SCAF8: variants seen among roughly 807,000 people sequenced by gnomAD.
SCAF8 encodes SR-related and CTD-associated factor 8.
In SCAF8, 23 loss-of-function variants were observed where a neutral mutation model predicts 140.5. The observed-to-expected ratio is 0.16, with a 90% confidence interval of 0.12 to 0.23. The LOEUF is 0.23. Among genes scored for constraint, SCAF8 ranks in the 10% least tolerant of loss-of-function variants. SCAF8 has a pLI of 1.00. For synonymous variants in SCAF8, 575 were observed against 528.9 expected (o/e 1.09, Z -1.20); for missense variants, 1,397 against 1,555.7 (o/e 0.90, Z 1.72).
chr6:154,822,282 A>T lies in SCAF8; in HGVS notation c.1799A>T (p.Glu600Val). 1 of 1,606,276 alleles carries T rather than the reference A, an allele frequency of 6.2e-7. No individual in the cohort carries two copies. The change falls in exon 16 of 20, where the codon GAA becomes GTA. Residue 600 changes from glutamate (E) to valine (V), a missense_variant. Physicochemically the swap from Glu to Val is moderately radical, Grantham distance 121. Around this residue, in one of 5 missense-constraint regions of SCAF8, gnomAD observed 930 missense variants for 874.6 expected, o/e 1.06. Transcript: ENST00000367178. Reference sequence around the variant, plus strand: ...TTTCAACTATTTTGTTTAGAGTGGGAAACTGTGAAAAGCTCAGAACCTGTT... The same window carrying T: ...TTTCAACTATTTTGTTTAGAGTGGGTAACTGTGAAAAGCTCAGAACCTGTT... ...IDQETVNTEWETVKSSEPVKE... is the reference protein window; with the variant it reads ...IDQETVNTEWVTVKSSEPVKE...
chr6:154,745,930 G>T (rs1778688462), intron 1 of SCAF8, among the ~76,000 whole-genome samples: 1 of 152,106 alleles, frequency 6.6e-6, no homozygotes, highest in Non-Finnish European at 1.5e-5. Context: ...CTGTCACCCA[G>T]GCTAGAGTGC....
intron 3 of SCAF8, among the ~76,000 whole-genome samples, chr6:154,785,588 C>T (rs73581081): frequency 1.3e-3 from 200 of 152,292 alleles, no homozygotes; most frequent in African/African-American, 4.6e-3. Flanking sequence ...GGTACAGCCA[C>T]ATGATTCTGT....
In SCAF8 at chr6:154,808,073, A is replaced by G; in HGVS notation, c.985A>G (p.Thr329Ala). Residue 329 changes from threonine to alanine, a missense_variant, in exon 10 of 20, where the codon ACT becomes GCT. This residue lies in a region of SCAF8 where 339 missense variants were observed against 407.5 expected (regional missense o/e 0.83). Coordinates refer to ENST00000367178, the MANE Select transcript of SCAF8 (RefSeq NM_014892.5). ...LLEQQQPQKA[T>A]PQDSQEGTFG... ...TGTTTGTATATGTTCTCAATAGGCC[A>G]CTCCTCAGGATAGTCAGGAAGGAAC... The G allele has an allele frequency of 6.2e-7, 1 of 1,611,728 alleles. No homozygotes were observed. The highest frequency in any genetic ancestry group is 8.5e-7 in the Non-Finnish European group (1 of 1,179,198).
At chr6:154,825,373 AGTT>A (rs1778536790) in intron 17 of SCAF8, 1 of 152,074 alleles carries the variant, frequency 6.6e-6, no homozygotes, top group African/African-American at 2.4e-5. Context: ...TTACATATAT[AGTT>A]TAAGATAGAG....
At chr6:154,796,353 TTCTCTCTCTCTCTCTC>T (rs532893908) in intron 6 of SCAF8, among the ~76,000 whole-genome samples, 8 of 75,194 alleles carry the variant, frequency 1.1e-4, no homozygotes, top group Non-Finnish European at 1.4e-4. Flanking sequence ...TGCAATCCTG[TTCTCTCTCTCTCTCTC>T]TCTCTCTCTC....
At chr6:154,745,860 T>C (rs192882715) in intron 1 of SCAF8, among the ~76,000 whole-genome samples, 1 of 152,118 alleles carries the variant, frequency 6.6e-6, no homozygotes, top group Admixed American at 6.6e-5. Context: ...TGCATATTAG[T>C]ATGAACTCGT....
intron 1 of SCAF8, among the ~76,000 whole-genome samples, chr6:154,759,911 CT>C (rs1195127153): frequency 6.6e-6 from 1 of 152,120 alleles, no homozygotes; most frequent in African/African-American, 2.4e-5. Flanking sequence ...TCTTGTGATC[CT>C]CCCACCTCGG....
intron 3 of SCAF8, among the ~76,000 whole-genome samples, chr6:154,781,326 A>G (rs1214063913): frequency 2.0e-5 from 3 of 152,198 alleles, no homozygotes; most frequent in Admixed American, 2.0e-4. Context: ...ACCACTGCTC[A>G]AGGAAATCAG....
intron 6 of SCAF8, among the ~76,000 whole-genome samples, chr6:154,797,622 C>G (rs1353145583): frequency 1.3e-5 from 2 of 151,274 alleles, no homozygotes; most frequent in African/African-American, 4.8e-5. Context: ...TCTTGATCTC[C>G]TGACCTTGTG....
At chr6:154,757,187 G>GT (rs1778988253) in intron 1 of SCAF8, among the ~76,000 whole-genome samples, 1 of 152,120 alleles carries the variant, frequency 6.6e-6, no homozygotes, top group Admixed American at 6.5e-5. Flanking sequence ...TAGAGATGGG[G>GT]TTTTGCCATG....
intron 1 of SCAF8, among the ~76,000 whole-genome samples, chr6:154,741,714 A>G (rs1018945473): frequency 1.3e-5 from 2 of 152,092 alleles, no homozygotes; most frequent in Admixed American, 1.3e-4. Context: ...GCCCGTTTGC[A>G]TCTTTTTCAG....
chr6:154,828,245 TGAA>T (rs1395708249), intron 18 of SCAF8, among the ~76,000 whole-genome samples: 1 of 152,218 alleles, frequency 6.6e-6, no homozygotes, highest in African/African-American at 2.4e-5. Context: ...TTAACTTAAA[TGAA>T]GAAAAAGTTT....
At chr6:154,793,898 A>G (rs1293226489) in intron 5 of SCAF8, among the ~76,000 whole-genome samples, 2 of 83,884 alleles carry the variant, frequency 2.4e-5, no homozygotes, top group African/African-American at 6.9e-5. Context: ...TTTTGTATGT[A>G]TTTTGTGTGT....
chr6:154,822,255 A>C (rs752470410), intron 15 of SCAF8, 21 bp from the exon 16 acceptor site: 1 of 1,586,618 alleles, frequency 6.3e-7, no homozygotes, highest in East Asian at 2.2e-5. Context: ...AAAGGAAATC[A>C]ATTTCAACTA....
intron 11 of SCAF8, 99 bp downstream of exon 11, chr6:154,808,897 A>G (rs573843016): frequency 2.7e-5 from 21 of 790,992 alleles, no homozygotes; most frequent in Admixed American, 1.1e-4. Flanking sequence ...TTGGGATGAC[A>G]TATTTTTTCT....
At chr6:154,818,961 T>C (rs915312074) in intron 14 of SCAF8, among the ~76,000 whole-genome samples, 3 of 152,206 alleles carry the variant, frequency 2.0e-5, no homozygotes, top group African/African-American at 7.2e-5. Context: ...TCCTTAACTA[T>C]ACCTTCTAAT....
At chr6:154,780,508 T>C (rs1336050159) in intron 3 of SCAF8, among the ~76,000 whole-genome samples, 3 of 152,086 alleles carry the variant, frequency 2.0e-5, no homozygotes, top group African/African-American at 7.2e-5. Context: ...TTTGTCCTAA[T>C]GCTCTCCCTC....
chr6:154,826,341 C>T (rs1176302732), intron 17 of SCAF8, among the ~76,000 whole-genome samples: 1 of 151,616 alleles, frequency 6.6e-6, no homozygotes, highest in East Asian at 1.9e-4. Flanking sequence ...TTATTCTTTC[C>T]TTATTTTTAG....
intron 1 of SCAF8, among the ~76,000 whole-genome samples, chr6:154,758,775 A>G (rs1779028347): frequency 6.6e-6 from 1 of 152,166 alleles, no homozygotes. Flanking sequence ...CTTGAGATTT[A>G]GGTACCAGTG....
Sources: allele counts gnomAD v4.1 joint callset (sites outside exome capture counted in the v4.1 genomes callset), GRCh38; gene constraint gnomAD v4.1.1; regional missense constraint gnomAD v4.1.1; transcripts MANE v1.5; gene names NCBI Gene and HGNC (gene_info 2026-07-23, HGNC 2026-07-21).